Variants in DOCK2 observed in about 807,000 individuals in gnomAD.
DOCK2 encodes the protein dedicator of cytokinesis 2.
In DOCK2, 87 loss-of-function variants were observed where a neutral mutation model predicts 248.9. The ratio of observed to expected loss-of-function variants is 0.35; its 90% CI spans 0.29 to 0.42. DOCK2 has a LOEUF of 0.42. Ranked by LOEUF, DOCK2 falls within the 10% of genes least tolerant of loss-of-function variation. DOCK2 has a pLI of 1.00. For missense variants in DOCK2, 1,747 were observed against 2,300.2 expected (o/e 0.76, Z 4.92); for synonymous variants, 805 against 821.6 (o/e 0.98, Z 0.35).
At chr5:169,861,240 G>A (rs892593609) in intron 27 of DOCK2, among the ~76,000 whole-genome samples, 5 of 152,192 alleles carry the variant, frequency 3.3e-5, no homozygotes, top group African/African-American at 1.2e-4. Flanking sequence ...GACCATTGAG[G>A]TGTCCTTCTT....
intron 27 of DOCK2, among the ~76,000 whole-genome samples, chr5:169,926,692 T>A (rs2113668727): frequency 6.6e-6 from 1 of 152,316 alleles, no homozygotes; most frequent in South Asian, 2.1e-4. Flanking sequence ...CCTCAAAGAT[T>A]ATTTAAAGAA....
At chr5:170,015,886 C>CCTTCCTTCCTTT (rs1755522364) in intron 32 of DOCK2, among the ~76,000 whole-genome samples, 3 of 149,980 alleles carry the variant, frequency 2.0e-5, no homozygotes, top group African/African-American at 7.4e-5. Flanking sequence ...TTCCTTCCCT[C>CCTTCCTTCCTTT]CTTCCTTCCT....
At chr5:169,834,828 A>T (rs1412672913) in intron 26 of DOCK2, among the ~76,000 whole-genome samples, 1 of 152,270 alleles carries the variant, frequency 6.6e-6, no homozygotes, top group Non-Finnish European at 1.5e-5. Context: ...GAACTAAGGA[A>T]CAATGCTCAC....
At chr5:169,988,173 C>T (rs761004943) in intron 29 of DOCK2, among the ~76,000 whole-genome samples, 4 of 152,044 alleles carry the variant, frequency 2.6e-5, no homozygotes, top group Non-Finnish European at 2.9e-5. Context: ...TAGCTTAGTT[C>T]GAAGATTTCC....
intron 27 of DOCK2, among the ~76,000 whole-genome samples, chr5:169,901,099 T>C (rs1773895056): frequency 1.3e-5 from 2 of 152,104 alleles, no homozygotes; most frequent in Admixed American, 1.3e-4. Flanking sequence ...GAGTCCTAAT[T>C]GACATTGTGG....
At position 169,674,464 on chromosome 5, in the gene DOCK2, G is replaced by A. The variant is rs760872058; in HGVS notation, c.470+19G>A. 1.2e-6 allele frequency: 2 copies of A among 1,612,680 alleles called. No homozygotes were observed. The highest frequency in any genetic ancestry group is 1.1e-5 in the South Asian group (1 of 90,960). Reference sequence around the variant, plus strand: ...GCAACAAGTAACCTCTCTTTCCTCTGCAAAGAGGTTTTCTTCCCCCAGCCA... The same window carrying A: ...GCAACAAGTAACCTCTCTTTCCTCTACAAAGAGGTTTTCTTCCCCCAGCCA... On this transcript the variant is annotated intron_variant, in intron 6 of 51. Transcript: ENST00000520908.
At chr5:169,639,212 G>T (rs1757014298) in intron 1 of DOCK2, among the ~76,000 whole-genome samples, 1 of 152,176 alleles carries the variant, frequency 6.6e-6, no homozygotes, top group Non-Finnish European at 1.5e-5. Context: ...TTACCTGTCT[G>T]CTGACTGCCT....
chr5:170,015,895 C>T (rs1392821875), intron 32 of DOCK2, among the ~76,000 whole-genome samples: 1 of 150,010 alleles, frequency 6.7e-6, no homozygotes, highest in African/African-American at 2.5e-5. Flanking sequence ...TCCTTCCTTC[C>T]TTTCTTCCTT....
chr5:169,964,400 A>G (rs1454476977), intron 27 of DOCK2, among the ~76,000 whole-genome samples: 2 of 152,176 alleles, frequency 1.3e-5, no homozygotes, highest in Non-Finnish European at 2.9e-5. Flanking sequence ...CATCTGCAGA[A>G]TGTATTTGCA....
chr5:169,858,183 G>A (rs1001801675), intron 27 of DOCK2, among the ~76,000 whole-genome samples: 3 of 152,334 alleles, frequency 2.0e-5, no homozygotes, highest in South Asian at 4.1e-4. Context: ...AAGAATAAGC[G>A]AGATGGCTTC....
At chr5:169,934,308 G>A (rs1475437341) in intron 27 of DOCK2, among the ~76,000 whole-genome samples, 1 of 152,196 alleles carries the variant, frequency 6.6e-6, no homozygotes, top group African/African-American at 2.4e-5. Flanking sequence ...TTCCTGGGCT[G>A]ATTTGCATTC....
At position 169,873,678 on chromosome 5, in the gene DOCK2, C is replaced by T. The variant is rs568278848; in HGVS notation, c.2799+32826C>T. Among the ~76,000 whole-genome samples the T allele has an allele frequency of 5.3e-5, 8 of 152,324 alleles. 1 individual carries two copies. The East Asian group carries it at 1.4e-3, about 26-fold the overall frequency. On this transcript the variant is annotated intron_variant, in intron 27 of 51. Coordinates refer to ENST00000520908, the MANE Select transcript of DOCK2 (RefSeq NM_004946.3). The stretch of plus-strand genomic sequence containing the variant: ...TTTAAGTGAAAAGTTGGCTGCTAAA[C>T]CCATAGGACTGAGTGCATATTGCAT...
At chr5:170,066,383 T>C (rs1325771688) in intron 44 of DOCK2, among the ~76,000 whole-genome samples, 1 of 152,160 alleles carries the variant, frequency 6.6e-6, no homozygotes, top group Non-Finnish European at 1.5e-5. Context: ...ATACACCCAA[T>C]GTTGGAGCAC....
chr5:169,938,130 T>A (rs756041114), intron 27 of DOCK2, among the ~76,000 whole-genome samples: 63 of 152,230 alleles, frequency 4.1e-4, no homozygotes, highest in Non-Finnish European at 7.9e-4. Context: ...CAAGACAAAA[T>A]GCTCCCTGCC....
chr5:169,638,483 A>C (rs1756969692), intron 1 of DOCK2, among the ~76,000 whole-genome samples: 1 of 152,246 alleles, frequency 6.6e-6, no homozygotes, highest in Non-Finnish European at 1.5e-5. Flanking sequence ...GTCAGAACTG[A>C]GTTCAAATCA....
At chr5:169,987,071 G>A (rs895100951) in intron 29 of DOCK2, among the ~76,000 whole-genome samples, 4 of 152,202 alleles carry the variant, frequency 2.6e-5, no homozygotes, top group Non-Finnish European at 4.4e-5. Context: ...GTATCTAGGT[G>A]CTCAAATAGC....
intron 27 of DOCK2, chr5:169,881,538 C>G (rs960864837): frequency 2.2e-6 from 2 of 890,084 alleles, no homozygotes; most frequent in African/African-American, 3.3e-5. Flanking sequence ...TATAGCACAG[C>G]ATTCACGGTG....
intron 22 of DOCK2, among the ~76,000 whole-genome samples, chr5:169,722,991 G>A (rs1762288770): frequency 6.6e-6 from 1 of 152,216 alleles, no homozygotes; most frequent in Admixed American, 6.5e-5. Flanking sequence ...GGGTGGTCCT[G>A]ATTCTGTGTG....
chr5:169,671,891 A>G (rs1759066903), intron 5 of DOCK2, among the ~76,000 whole-genome samples: 1 of 152,258 alleles, frequency 6.6e-6, no homozygotes, highest in Admixed American at 6.5e-5. Flanking sequence ...TGTAATTGGC[A>G]CACTCAATTT....
Sources: gnomAD v4.1 joint callset for allele counts (sites outside exome capture counted in the v4.1 genomes callset) on GRCh38, gnomAD v4.1.1 for gene constraint, MANE v1.5 for transcripts, NCBI Gene and HGNC (gene_info 2026-07-23, HGNC 2026-07-21) for gene names.